CACNG8: variants seen among roughly 807,000 people sequenced by gnomAD.
CACNG8 encodes calcium voltage-gated channel auxiliary subunit gamma 8, also known as voltage-dependent calcium channel gamma-8 subunit.
In CACNG8, 5 loss-of-function variants were observed where a neutral mutation model predicts 26.9. The ratio of observed to expected loss-of-function variants is 0.19; its 90% CI spans 0.10 to 0.39. The LOEUF (loss-of-function observed/expected upper bound fraction) is 0.39, where lower values mean the gene tolerates loss of function less well. Ranked by LOEUF, CACNG8 falls within the 10% of genes least tolerant of loss-of-function variation. The probability of loss-of-function intolerance (pLI) is 1.00; values close to 1 mark genes in which losing one functional copy is unlikely to be tolerated. For synonymous variants in CACNG8, 321 were observed against 296.7 expected, an observed-to-expected ratio of 1.08 and a Z score of -0.84; for missense variants, 473 against 609.4, an observed-to-expected ratio of 0.78 and a Z score of 2.36.
chr19:53,978,330 T>C, intron 2 of CACNG8, 101 bp downstream of exon 2: 2 of 829,574 alleles, frequency 2.4e-6, no homozygotes, highest in South Asian at 3.1e-5. Flanking sequence ...CTCCGGCACT[T>C]GGATCGACAC....
At position 53,982,637 on chromosome 19, in the gene CACNG8, G is replaced by T; in HGVS notation, c.1066G>T (p.Glu356Ter). 9.8e-7 allele frequency: 1 copy of T among 1,025,272 alleles called. No individual in the cohort carries two copies. The highest frequency in any genetic ancestry group is 4.5e-5 in the South Asian group (1 of 22,410). The allele number at this position is 1,025,272 out of a possible 1,614,324, so 63.5% of individuals were successfully genotyped here. The change falls in exon 4 of 4, where the codon GAG becomes TAG. Residue 356 changes from glutamate (E) to a stop codon, truncating the protein, a stop_gained. Coordinates refer to ENST00000270458, the MANE Select transcript of CACNG8 (RefSeq NM_031895.6). LOFTEE classifies it high-confidence loss of function. This position sits in a 1 kb window ranked among gnomAD's most constrained non-coding sequence, Gnocchi z 8.4. The stretch of plus-strand genomic sequence containing the variant: ...CGGAGGCGGCGGCGGGGCGGGTGCC[G>T]AGCGGGACCGCGGGGGGGCGTCCGG...
rs1218532980 is a variant in CACNG8, at chr19:53,988,170, G to A, written c.*5321G>A. 6.6e-6 allele frequency: 1 copy of A among 152,094 alleles called. No homozygotes were observed. The highest frequency in any genetic ancestry group is 1.9e-4 in the East Asian group (1 of 5,168). 9.4% of individuals were successfully genotyped at this position (152,094 alleles called of 1,614,324 possible). Reference sequence around the variant, plus strand: ...TGGACAGGGTTGGTGATCTTGATAAGATAAGATGTCAGTTCAGTGCAGTGG... The same window carrying A: ...TGGACAGGGTTGGTGATCTTGATAAAATAAGATGTCAGTTCAGTGCAGTGG... On this transcript the variant is annotated 3_prime_UTR_variant, in exon 4 of 4. Coordinates refer to ENST00000270458, the MANE Select transcript of CACNG8 (RefSeq NM_031895.6).
chr19:53,963,154 G>T lies in CACNG8; in HGVS notation c.12G>T (p.Leu4=). ...TGCCCGTGGTCAAACTGGAGTCGCT[G>T]AAGCGCTGGAACGAAGAGCGGGGCC... Residue 4 remains leucine (L), a synonymous_variant, in exon 1 of 4, where the codon CTG becomes CTT. Transcript: ENST00000270458. 1 of 1,529,374 alleles carries T rather than the reference G, an allele frequency of 6.5e-7. No homozygotes were observed. The allele number at this position is 1,529,374 out of a possible 1,614,324, so 94.7% of individuals were successfully genotyped here.
At chr19:53,974,661 A>G (rs780320021) in intron 1 of CACNG8, among the ~76,000 whole-genome samples, 1 of 151,940 alleles carries the variant, frequency 6.6e-6, no homozygotes, top group Non-Finnish European at 1.5e-5. Context: ...TTTATTTTTG[A>G]GACAGAGTCT....
chr19:53,975,175 CTT>C (rs1337854032), intron 1 of CACNG8, among the ~76,000 whole-genome samples: 2 of 152,070 alleles, frequency 1.3e-5, no homozygotes, highest in African/African-American at 4.8e-5. Context: ...TCTCGATTCT[CTT>C]GACCTTGTGA....
rs776169340 is a variant in CACNG8, at chr19:53,982,096, C to T, written c.525C>T (p.Ile175=). 6 of 1,593,618 alleles carry T rather than the reference C, an allele frequency of 3.8e-6. No homozygotes were observed. Among genetic ancestry groups the T allele is most frequent in the Non-Finnish European group, 5.1e-6 (6 of 1,170,786 alleles). The change falls in exon 4 of 4, where the codon ATC becomes ATT. Residue 175 remains isoleucine, a synonymous_variant. Transcript: ENST00000270458. The surrounding 1 kb of genome is among the most constrained non-coding windows in gnomAD (Gnocchi z 8.4). ...CCCGCCCAGGCCTGAGCAACATCATCGGCGTGATCGTGTACATCTCCGCCA... is the reference window on the plus strand; with the variant it reads ...CCCGCCCAGGCCTGAGCAACATCATTGGCGTGATCGTGTACATCTCCGCCA...
chr19:53,975,175 C>T (rs993971142), intron 1 of CACNG8, among the ~76,000 whole-genome samples: 11 of 152,070 alleles, frequency 7.2e-5, no homozygotes, highest in African/African-American at 1.2e-4. Flanking sequence ...TCTCGATTCT[C>T]TTGACCTTGT....
In CACNG8 at chr19:53,988,154, T is replaced by C. The variant is rs1200121056; in HGVS notation, c.*5305T>C. On this transcript the variant is annotated 3_prime_UTR_variant, in exon 4 of 4. Transcript: ENST00000270458. ...ATTAGGTCTGATGACATGGACAGGG[T>C]TGGTGATCTTGATAAGATAAGATGT... The C allele has an allele frequency of 6.6e-6, 1 of 151,940 alleles. No individual in the cohort carries two copies. Among genetic ancestry groups the C allele is most frequent in the Non-Finnish European group, 1.5e-5 (1 of 67,998 alleles). The allele number at this position is 151,940 out of a possible 1,614,324, so 9.4% of individuals were successfully genotyped here.
chr19:53,963,074 G>C lies in CACNG8; in HGVS notation c.-69G>C. The C allele has an allele frequency of 1.2e-5, 8 of 682,332 alleles. No homozygotes were observed. The highest frequency in any genetic ancestry group is 1.3e-5 in the Non-Finnish European group (7 of 531,598). 42.3% of individuals were successfully genotyped at this position (682,332 alleles called of 1,614,324 possible). A position where few individuals can be genotyped will look rare whatever the true frequency, so the allele number is the denominator to read the frequency against. ...TGCCTGCGCTGTGAACCCCCCCCCA[G>C]CCGCCGGCACGGCCCCGCCCCCGCT... On this transcript the variant is annotated 5_prime_UTR_variant, in exon 1 of 4. Transcript: ENST00000270458.
In CACNG8 at chr19:53,982,371, G is replaced by C; in HGVS notation, c.800G>C (p.Arg267Pro). 1.3e-6 allele frequency: 2 copies of C among 1,533,422 alleles called. No homozygotes were observed. The highest frequency in any genetic ancestry group is 2.4e-5 in the South Asian group (2 of 83,716). 95.0% of individuals were successfully genotyped at this position (1,533,422 alleles called of 1,614,324 possible). The stretch of plus-strand genomic sequence containing the variant: ...GCCATCCTCCGTCTGCCCAGTTACC[G>C]CTTCCGCTACCGCCGCCGCTCCCGC... The change falls in exon 4 of 4, where the codon CGC becomes CCC. Residue 267 changes from arginine (R) to proline (P), a missense_variant. Coordinates refer to ENST00000270458, the MANE Select transcript of CACNG8 (RefSeq NM_031895.6). This position sits in a 1 kb window ranked among gnomAD's most constrained non-coding sequence, Gnocchi z 8.4.
At position 53,982,567 on chromosome 19, in the gene CACNG8, C is replaced by A; in HGVS notation, c.996C>A (p.Ala332=). 1 of 1,079,708 alleles carries A rather than the reference C, an allele frequency of 9.3e-7. No individual in the cohort carries two copies. Among genetic ancestry groups the A allele is most frequent in the Non-Finnish European group, 1.1e-6 (1 of 890,930 alleles). The allele number at this position is 1,079,708 out of a possible 1,614,324, so 66.9% of individuals were successfully genotyped here. The stretch of plus-strand genomic sequence containing the variant: ...GGGCCGGCGGCGGCGGCGGCGGCGC[C>A]GTGGGGGCGTTCGGCGGCGCGGCCG... Residue 332 remains alanine, a synonymous_variant, in exon 4 of 4, where the codon GCC becomes GCA. Transcript: ENST00000270458. This position sits in a 1 kb window ranked among gnomAD's most constrained non-coding sequence, Gnocchi z 8.4.
In CACNG8 at chr19:53,982,441, T is replaced by C. The variant is rs1363112084; in HGVS notation, c.870T>C (p.Ser290=). The stretch of plus-strand genomic sequence containing the variant: ...AGCCGTCGCCGTCGCGGGACGCGTC[T>C]CCCGGCGGCCCCGGGGGCCCGGGCT... Residue 290 remains serine (S), a synonymous_variant, in exon 4 of 4, where the codon TCT becomes TCC. Transcript: ENST00000270458. The surrounding 1 kb of genome is among the most constrained non-coding windows in gnomAD (Gnocchi z 8.4). The C allele has an allele frequency of 3.3e-6, 5 of 1,517,664 alleles. No homozygotes were observed. The highest frequency in any genetic ancestry group is 4.4e-6 in the Non-Finnish European group (5 of 1,139,950). 94.0% of individuals were successfully genotyped at this position (1,517,664 alleles called of 1,614,324 possible).
Position 53,982,748 on chromosome 19 carries a change from C to A in CACNG8, c.1177C>A (p.Pro393Thr). The A allele has an allele frequency of 8.3e-7, 1 of 1,205,396 alleles. No individual in the cohort carries two copies. The allele number at this position is 1,205,396 out of a possible 1,614,324, so 74.7% of individuals were successfully genotyped here. Residue 393 changes from proline to threonine, a missense_variant, in exon 4 of 4, where the codon CCC becomes ACC. Physicochemically the swap from Pro to Thr is conservative, Grantham distance 38. Transcript: ENST00000270458. This position sits in a 1 kb window ranked among gnomAD's most constrained non-coding sequence, Gnocchi z 8.4. ...CACCGGGCCGCCCGCCCCGCCCGCGCCCGCGCCACCCGCGCCCTCTGCGCC... is the reference window on the plus strand; with the variant it reads ...CACCGGGCCGCCCGCCCCGCCCGCGACCGCGCCACCCGCGCCCTCTGCGCC...
chr19:53,969,467 C>T (rs961797944), intron 1 of CACNG8, among the ~76,000 whole-genome samples: 8 of 151,176 alleles, frequency 5.3e-5, no homozygotes, highest in African/African-American at 1.7e-4. Context: ...CCACATTGCC[C>T]AGCCTGGTCT....
rs1455843820 is a variant in CACNG8, at chr19:53,983,865, AG to A, written c.*1018del. The A allele has an allele frequency of 6.5e-6, 1 of 152,712 alleles. No homozygotes were observed. Among genetic ancestry groups the A allele is most frequent in the African/African-American group, 2.4e-5 (1 of 41,448 alleles). 9.5% of individuals were successfully genotyped at this position (152,712 alleles called of 1,614,324 possible). A position where few individuals can be genotyped will look rare whatever the true frequency, so the allele number is the denominator to read the frequency against. ...AGGCAGGTGAGCGGGGATCAAGGTG[AG>A]GCCGGAGACACAGACAGGGCCAGAT... On this transcript the variant is annotated 3_prime_UTR_variant, in exon 4 of 4. Coordinates refer to ENST00000270458, the MANE Select transcript of CACNG8 (RefSeq NM_031895.6).
rs1486648754 is a variant in CACNG8 at position 53,985,411 on chromosome 19, C to A, written c.*2562C>A. The A allele has an allele frequency of 6.6e-6, 1 of 152,222 alleles. No homozygotes were observed. Among genetic ancestry groups the A allele is most frequent in the Non-Finnish European group, 1.5e-5 (1 of 68,132 alleles). The allele number at this position is 152,222 out of a possible 1,614,324, so 9.4% of individuals were successfully genotyped here. ...GACCAGGAAGAGAGAGACTGAAGGT[C>A]CCTAGGAAGAATTCTGCCAAGGCGG... On this transcript the variant is annotated 3_prime_UTR_variant, in exon 4 of 4. Coordinates refer to ENST00000270458, the MANE Select transcript of CACNG8 (RefSeq NM_031895.6).
chr19:53,988,369 G>C lies in CACNG8; in HGVS notation c.*5520G>C, dbSNP rs1161099918. ...AATCCCAGCACTTTGGGAGGCCGAA[G>C]TGGGTGGATCACTTGAGGTCAGGAG... On this transcript the variant is annotated 3_prime_UTR_variant, in exon 4 of 4. Coordinates refer to ENST00000270458, the MANE Select transcript of CACNG8 (RefSeq NM_031895.6). 1 of 151,862 alleles carries C rather than the reference G, an allele frequency of 6.6e-6. No individual in the cohort carries two copies. The highest frequency in any genetic ancestry group is 1.5e-5 in the Non-Finnish European group (1 of 68,056). 9.4% of individuals were successfully genotyped at this position (151,862 alleles called of 1,614,324 possible).
intron 1 of CACNG8, among the ~76,000 whole-genome samples, chr19:53,977,878 T>C (rs1006561214): frequency 6.6e-6 from 1 of 152,210 alleles, no homozygotes; most frequent in African/African-American, 2.4e-5. Flanking sequence ...CAAGGTCCTG[T>C]AGCCTTGCAG....
chr19:53,975,781 C>T (rs1455703823), intron 1 of CACNG8, among the ~76,000 whole-genome samples: 1 of 152,202 alleles, frequency 6.6e-6, no homozygotes, highest in African/African-American at 2.4e-5. Flanking sequence ...CAGATGCTCA[C>T]ATTCATGATG....
Sources: gnomAD v4.1 joint callset for allele counts (sites outside exome capture counted in the v4.1 genomes callset) on GRCh38, gnomAD v4.1.1 for gene constraint, Gnocchi (gnomAD v3.1) non-coding constraint, MANE v1.5 for transcripts, NCBI Gene and HGNC (gene_info 2026-07-23, HGNC 2026-07-21) for gene names.